The following SLC25A30 variants were observed in gnomAD, a reference collection of about 807,000 sequenced individuals.
The protein encoded by SLC25A30 is solute carrier family 25 member 30.
SLC25A30 carries 29 observed loss-of-function variants against 42.7 expected under a neutral mutation model. The observed-to-expected ratio is 0.68, with a 90% confidence interval of 0.51 to 0.93. The LOEUF is 0.93. Among genes scored for constraint, SLC25A30 ranks in the 40% least tolerant of loss-of-function variants. The pLI is 0.00. For missense variants in SLC25A30, 300 were observed against 359.7 expected (o/e 0.83, Z 1.34); for synonymous variants, 124 against 131.0 (o/e 0.95, Z 0.37).
intron 2 of SLC25A30, among the ~76,000 whole-genome samples, chr13:45,410,186 C>G (rs767692422): frequency 6.6e-6 from 1 of 152,186 alleles, no homozygotes; most frequent in African/African-American, 2.4e-5. Flanking sequence ...GGAACCCAAC[C>G]GATGAGGAAG....
intron 1 of SLC25A30, among the ~76,000 whole-genome samples, chr13:45,413,766 T>C (rs1883232383): frequency 6.6e-6 from 1 of 152,214 alleles, no homozygotes; most frequent in Non-Finnish European, 1.5e-5. Context: ...TTGGCCAGGC[T>C]GGTCTTGAAC....
At chr13:45,424,104 AAAAT>A in the SLC25A30 span, among the ~76,000 whole-genome samples, 344 of 37,284 alleles carry the variant, frequency 9.2e-3, 3 homozygotes, top group African/African-American at 0.031. Flanking sequence ...TAAATATATA[AAAAT>A]ATATATAAAT....
Position 45,393,415 on chromosome 13 carries a change from GC to G in SLC25A30, c.*2558del. ...TAAATAAAGAGCTTGAAATATAAAG[GC>G]TTATGAAAACTTCATACTCTTTATA... On this transcript the variant is annotated 3_prime_UTR_variant, in exon 10 of 10. Coordinates refer to ENST00000519676, the MANE Select transcript of SLC25A30 (RefSeq NM_001010875.4). 1.0e-6 allele frequency: 1 copy of G among 982,916 alleles called. No homozygotes were observed. Among genetic ancestry groups the G allele is most frequent in the Non-Finnish European group, 1.2e-6 (1 of 827,912 alleles). The allele number at this position is 982,916 out of a possible 1,614,324, so 60.9% of individuals were successfully genotyped here.
chr13:45,433,654 T>C, the SLC25A30 span, among the ~76,000 whole-genome samples: 1 of 152,252 alleles, frequency 6.6e-6, no homozygotes, highest in Admixed American at 6.5e-5. Context: ...CATCTGGTAA[T>C]AGTGGAAGAG....
chr13:45,417,552 A>C (rs1883641139), intron 1 of SLC25A30, among the ~76,000 whole-genome samples: 1 of 152,206 alleles, frequency 6.6e-6, no homozygotes, highest in Admixed American at 6.5e-5. Flanking sequence ...CGGGTTTAAA[A>C]GAAATCTTCG....
rs1356311346 is a variant in SLC25A30 at position 45,394,650 on chromosome 13, C to T, written c.*1324G>A. 1 of 984,954 alleles carries T rather than the reference C, an allele frequency of 1.0e-6. No homozygotes were observed. Among genetic ancestry groups the T allele is most frequent in the Non-Finnish European group, 1.2e-6 (1 of 829,864 alleles). The allele number at this position is 984,954 out of a possible 1,614,324, so 61.0% of individuals were successfully genotyped here. On this transcript the variant is annotated 3_prime_UTR_variant, in exon 10 of 10. Transcript: ENST00000519676. ...AAGATGAAGACAAGAAGGAAGAGGG[C>T]TCTTTCTCTGAAGCAGGTTAGAGTA...
chr13:45,397,040 C>T, intron 9 of SLC25A30: 1 of 521,778 alleles, frequency 1.9e-6, no homozygotes, highest in Non-Finnish European at 3.4e-6. Context: ...AGTAGTATCA[C>T]TACTTTTGAA....
chr13:45,426,881 T>A, the SLC25A30 span, among the ~76,000 whole-genome samples: 1 of 152,152 alleles, frequency 6.6e-6, no homozygotes, highest in South Asian at 2.1e-4. Context: ...ACTATTAAAC[T>A]TCGCATGAAT....
At chr13:45,421,582 C>A (rs1482086342), upstream of SLC25A30, among the ~76,000 whole-genome samples, 5 of 151,988 alleles carry the variant, frequency 3.3e-5, no homozygotes, top group Non-Finnish European at 5.9e-5. Context: ...GAAATGAAGA[C>A]CTAGGTTCTA....
intron 9 of SLC25A30, chr13:45,396,712 C>T: frequency 6.5e-6 from 1 of 154,662 alleles, no homozygotes; most frequent in Non-Finnish European, 1.4e-5. Context: ...GCGGAGGTGG[C>T]AGTGACCCGA....
the SLC25A30 span, among the ~76,000 whole-genome samples, chr13:45,424,476 T>C: frequency 7.0e-5 from 4 of 56,854 alleles, no homozygotes; most frequent in South Asian, 5.6e-4. Flanking sequence ...AATATATAAA[T>C]ATATGTATAT....
At chr13:45,406,830 C>T (rs560225768) in intron 3 of SLC25A30, among the ~76,000 whole-genome samples, 1 of 152,200 alleles carries the variant, frequency 6.6e-6, no homozygotes, top group African/African-American at 2.4e-5. Context: ...TAGCATCACC[C>T]CCTCTGACTT....
Position 45,395,500 on chromosome 13 carries a change from C to T in SLC25A30, c.*474G>A. 1.9e-6 allele frequency: 2 copies of T among 1,047,342 alleles called. No individual in the cohort carries two copies. Among genetic ancestry groups the T allele is most frequent in the South Asian group, 6.9e-5 (2 of 28,820 alleles). The allele number at this position is 1,047,342 out of a possible 1,614,324, so 64.9% of individuals were successfully genotyped here. On this transcript the variant is annotated 3_prime_UTR_variant, in exon 10 of 10. Coordinates refer to ENST00000519676, the MANE Select transcript of SLC25A30 (RefSeq NM_001010875.4). ...GGGTTGAACAGTCCAGGTCTCCATA[C>T]ATGAAATTTCTTCAGTTGACAAGGA...
chr13:45,415,931 C>G (rs1883490682), intron 1 of SLC25A30, among the ~76,000 whole-genome samples: 1 of 148,576 alleles, frequency 6.7e-6, no homozygotes, highest in Non-Finnish European at 1.5e-5. Flanking sequence ...TCCTGAGTAA[C>G]TGGGATTACA....
At chr13:45,419,945 G>A (rs369537227), upstream of SLC25A30, among the ~76,000 whole-genome samples, 44 of 146,176 alleles carry the variant, frequency 3.0e-4, 1 homozygote, top group African/African-American at 1.2e-3. Flanking sequence ...GTGACAGCGC[G>A]AGAGAAAGAA....
At chr13:45,410,761 G>A (rs1429605056) in intron 2 of SLC25A30, among the ~76,000 whole-genome samples, 3 of 152,294 alleles carry the variant, frequency 2.0e-5, no homozygotes, top group East Asian at 3.9e-4. Flanking sequence ...GGAGTGAGCC[G>A]AGATCAGACG....
At chr13:45,424,632 T>TATA in the SLC25A30 span, among the ~76,000 whole-genome samples, 11 of 38,130 alleles carry the variant, frequency 2.9e-4, no homozygotes, top group African/African-American at 1.3e-3. Flanking sequence ...TATATAAATA[T>TATA]GTATATAAAC....
At chr13:45,425,116 T>A in the SLC25A30 span, among the ~76,000 whole-genome samples, 6,703 of 15,478 alleles carry the variant, frequency 0.43, 1,467 homozygotes, top group Non-Finnish European at 0.54. Context: ...ATAAATATAT[T>A]TATAAATATA....
upstream of SLC25A30, among the ~76,000 whole-genome samples, chr13:45,419,974 G>A (rs1883845579): frequency 6.7e-6 from 1 of 150,016 alleles, no homozygotes; most frequent in Non-Finnish European, 1.5e-5. Context: ...GAAAGGGAGG[G>A]GAGGCGAAGG....
Sources: allele counts gnomAD v4.1 joint callset (sites outside exome capture counted in the v4.1 genomes callset), GRCh38; gene constraint gnomAD v4.1.1; transcripts MANE v1.5; gene names NCBI Gene and HGNC (gene_info 2026-07-23, HGNC 2026-07-21).